UGP2: variants seen among roughly 807,000 people sequenced by gnomAD.
UGP2 encodes UDP-glucose pyrophosphorylase 2.
In UGP2, 40 loss-of-function variants were observed where a neutral mutation model predicts 49.0. The ratio of observed to expected loss-of-function variants is 0.82; its 90% CI spans 0.63 to 1.06. UGP2 has a LOEUF of 1.06. Ranked by LOEUF, UGP2 falls within the 50% of genes least tolerant of loss-of-function variation. The pLI, the probability that UGP2 is intolerant of heterozygous loss-of-function variation, is 0.00. For missense variants in UGP2, 460 were observed against 603.5 expected (o/e 0.76, Z 2.49); for synonymous variants, 225 against 213.0 (o/e 1.06, Z -0.49).
At chr2:63,857,223 C>T (rs1478301352) in intron 2 of UGP2, among the ~76,000 whole-genome samples, 2 of 151,676 alleles carry the variant, frequency 1.3e-5, no homozygotes, top group African/African-American at 4.9e-5. Context: ...GTAGTTTAAG[C>T]CTGGGAGGTG....
At chr2:63,889,326 T>C (rs1055455009) in intron 8 of UGP2, 1 of 151,898 alleles carries the variant, frequency 6.6e-6, no homozygotes, top group Non-Finnish European at 1.5e-5. Context: ...AGGATGTTTA[T>C]ACATTAATGG....
rs2104257438 is a variant in UGP2 at position 63,850,618 on chromosome 2, G to T, written c.20-5688G>T. 1.3e-5 allele frequency among the ~76,000 whole-genome samples: 2 copies of T among 152,286 alleles called. 1 individual carries two copies. The highest frequency in any genetic ancestry group is 4.1e-4 in the South Asian group (2 of 4,828). Reference sequence around the variant, plus strand: ...TTATATTGGTTAATAAAATTGAAAAGAAATTTAGTAGTCATTTGTCTAGAC... The same window carrying T: ...TTATATTGGTTAATAAAATTGAAAATAAATTTAGTAGTCATTTGTCTAGAC... On this transcript the variant is annotated intron_variant, in intron 1 of 9. Transcript: ENST00000337130.
chr2:63,856,685 T>C lies in UGP2; in HGVS notation c.147+252T>C, dbSNP rs149265643. On this transcript the variant is annotated intron_variant, in intron 2 of 9. Transcript: ENST00000337130. ...CATTAAAATAATCAGAACCAAATTATACTTTGTTCTGTGTTTTGATGTCAT... is the reference window on the plus strand; with the variant it reads ...CATTAAAATAATCAGAACCAAATTACACTTTGTTCTGTGTTTTGATGTCAT... The C allele has an allele frequency of 6.9e-3, 3,476 of 507,114 alleles. 33 individuals carry two copies. The highest frequency in any genetic ancestry group is 0.03 in the Admixed American group (1,105 of 37,196). 31.4% of individuals were successfully genotyped at this position (507,114 alleles called of 1,614,324 possible).
intron 3 of UGP2, among the ~76,000 whole-genome samples, chr2:63,869,913 T>A (rs1670432883): frequency 6.6e-6 from 1 of 150,956 alleles, no homozygotes; most frequent in South Asian, 2.1e-4. Context: ...TTTAGAGTAA[T>A]TAAAATTAAT....
At chr2:63,842,334 GA>G in intron 1 of UGP2, 130 bp downstream of exon 1, 1 of 1,604,370 alleles carries the variant, frequency 6.2e-7, no homozygotes, top group Non-Finnish European at 8.5e-7. Context: ...CCTTTTCGTT[GA>G]ATTGTCATCT....
rs187475583 is a variant in UGP2, at chr2:63,885,387, A to C, written c.576-202A>C. On this transcript the variant is annotated intron_variant, in intron 5 of 9. Transcript: ENST00000337130. ...GACCATAGAGACATGTTTTTGCAGC[A>C]GCTATCACCATCTGGAAAACAGATT... 1.7e-3 allele frequency among the ~76,000 whole-genome samples: 264 copies of C among 152,308 alleles called. 1 individual carries two copies. Among genetic ancestry groups the C allele is most frequent in the Non-Finnish European group, 1.1e-3 (72 of 68,018 alleles).
intron 3 of UGP2, among the ~76,000 whole-genome samples, chr2:63,876,118 A>G (rs1302063723): frequency 6.6e-6 from 1 of 151,914 alleles, no homozygotes; most frequent in African/African-American, 2.4e-5. Context: ...TTGCTAAGCA[A>G]TTTTCTAACA....
intron 3 of UGP2, among the ~76,000 whole-genome samples, chr2:63,867,027 A>G (rs1670230028): frequency 1.3e-5 from 2 of 152,074 alleles, no homozygotes; most frequent in Non-Finnish European, 2.9e-5. Flanking sequence ...GGGATAGCTG[A>G]GCTTGTGGTT....
chr2:63,886,009 C>T, intron 6 of UGP2, 123 bp downstream of exon 6: 2 of 1,126,440 alleles, frequency 1.8e-6, no homozygotes, highest in Non-Finnish European at 2.4e-6. Flanking sequence ...TTCTGTTTGA[C>T]ATAATAGTAT....
chr2:63,856,626 T>C, intron 2 of UGP2, 193 bp downstream of exon 2: 1 of 614,008 alleles, frequency 1.6e-6, no homozygotes, highest in Non-Finnish European at 2.8e-6. Flanking sequence ...ATCCATTATC[T>C]TTTTTTCATT....
At chr2:63,885,351 C>A (rs1262155509) in intron 5 of UGP2, among the ~76,000 whole-genome samples, 1 of 152,064 alleles carries the variant, frequency 6.6e-6, no homozygotes, top group South Asian at 2.1e-4. Context: ...GATGGGTCCT[C>A]CCATCTGTAT....
intron 1 of UGP2, among the ~76,000 whole-genome samples, chr2:63,853,659 AGTGTCAGG>A (rs1165745557): frequency 1.3e-5 from 2 of 152,106 alleles, no homozygotes; most frequent in Non-Finnish European, 2.9e-5. Flanking sequence ...TGTTTGCGCC[AGTGTCAGG>A]GTGTCAGGGA....
intron 3 of UGP2, among the ~76,000 whole-genome samples, chr2:63,858,692 T>C (rs1383436641): frequency 1.3e-5 from 2 of 152,148 alleles, no homozygotes; most frequent in African/African-American, 4.8e-5. Flanking sequence ...CCCTAGTGAA[T>C]GAATTGTGAT....
chr2:63,890,252 AATTTAC>A, intron 9 of UGP2, 67 bp downstream of exon 9: 8 of 1,190,590 alleles, frequency 6.7e-6, no homozygotes, highest in Admixed American at 2.4e-5. Context: ...TCTAGTCATA[AATTTAC>A]ATTTACTTTA....
chr2:63,882,332 A>T, intron 3 of UGP2, 134 bp from the exon 4 acceptor site: 1 of 790,754 alleles, frequency 1.3e-6, no homozygotes, highest in Non-Finnish European at 1.8e-6. Context: ...CTATGACATT[A>T]AAGAAAAGTT....
chr2:63,886,022 A>T, intron 6 of UGP2, 136 bp downstream of exon 6: 2 of 1,046,988 alleles, frequency 1.9e-6, no homozygotes, highest in Non-Finnish European at 1.3e-6. Context: ...AATAGTATGT[A>T]TCATAAATCC....
At chr2:63,864,024 G>A (rs1018341683) in intron 3 of UGP2, among the ~76,000 whole-genome samples, 5 of 152,128 alleles carry the variant, frequency 3.3e-5, no homozygotes, top group South Asian at 2.1e-4. Context: ...ATTTCAAAGG[G>A]TTTTTTGGTT....
chr2:63,877,925 G>A (rs7599448), intron 3 of UGP2, among the ~76,000 whole-genome samples: 92,076 of 147,180 alleles, frequency 0.63, 29,695 homozygotes, highest in East Asian at 0.84. Flanking sequence ...CCCGGGAAGC[G>A]GAGCTTGCAG....
chr2:63,857,584 C>A (rs760517754), intron 2 of UGP2: 1 of 535,534 alleles, frequency 1.9e-6, no homozygotes, highest in Non-Finnish European at 3.6e-6. Flanking sequence ...AGGCTGGTCT[C>A]AAACTCCTGA....
Sources: gnomAD v4.1 joint callset for allele counts (sites outside exome capture counted in the v4.1 genomes callset) on GRCh38, gnomAD v4.1.1 for gene constraint, MANE v1.5 for transcripts, NCBI Gene and HGNC (gene_info 2026-07-23, HGNC 2026-07-21) for gene names.